The following HDAC9 variants were observed in gnomAD, a reference collection of about 807,000 sequenced individuals.
HDAC9 encodes the protein histone deacetylase 9.
In HDAC9, 41 loss-of-function variants were observed where a neutral mutation model predicts 139.4. The observed-to-expected ratio is 0.29, with a 90% CI of 0.23 to 0.38. The LOEUF (loss-of-function observed/expected upper bound fraction) is 0.38. HDAC9 is among the 10% of genes least tolerant of loss of function. The pLI is 1.00. For synonymous variants in HDAC9, 517 were observed against 476.2 expected, an observed-to-expected ratio of 1.09 and a Z score of -1.12; for missense variants, 1,147 against 1,297.0, an observed-to-expected ratio of 0.88 and a Z score of 1.78.
chr7:18,173,605 C>T (rs1788632386), intron 2 of HDAC9, among the ~76,000 whole-genome samples: 2 of 152,110 alleles, frequency 1.3e-5, no homozygotes, highest in African/African-American at 2.4e-5. Flanking sequence ...TTTTCCTTTC[C>T]GTGTTTAGTG....
chr7:18,591,708 C>G (rs1831042804), intron 5 of HDAC9, 66 bp downstream of exon 5: 1 of 1,575,896 alleles, frequency 6.3e-7, no homozygotes, highest in Non-Finnish European at 8.6e-7. Flanking sequence ...TTTAGCCGAC[C>G]TGGGTACACA....
chr7:18,523,050 C>G (rs546264036), intron 2 of HDAC9, among the ~76,000 whole-genome samples: 1 of 151,994 alleles, frequency 6.6e-6, no homozygotes, highest in Non-Finnish European at 1.5e-5. Flanking sequence ...GCCTGGGAAG[C>G]CTTTCAAAGG....
intron 1 of HDAC9, among the ~76,000 whole-genome samples, chr7:18,448,057 TCTCCAACTCCAA>T (rs998128206): frequency 2.0e-5 from 3 of 152,194 alleles, no homozygotes; most frequent in African/African-American, 4.8e-5. Flanking sequence ...GCCAGGCTGG[TCTCCAACTCCAA>T]CTCCAACTCC....
In HDAC9 at chr7:18,634,645, G is replaced by T; in HGVS notation, c.815G>T (p.Ser272Ile). 6.3e-7 allele frequency: 1 copy of T among 1,584,588 alleles called. No homozygotes were observed. Among genetic ancestry groups the T allele is most frequent in the Non-Finnish European group, 8.6e-7 (1 of 1,163,516 alleles). Residue 272 changes from serine to isoleucine, a missense_variant, in exon 8 of 26, where the codon AGT (serine) becomes ATT (isoleucine). Ser to Ile is a moderately radical substitution (Grantham distance 142). This residue lies in a region of HDAC9 where 264 missense variants were observed against 273.8 expected (regional missense o/e 0.96). Coordinates refer to ENST00000686413, the MANE Select transcript of HDAC9 (RefSeq NM_178425.4). The part of the protein sequence containing the change: ...FEVTESSVSS[S>I]SPGSGPSSPN... ...TTTTCAGAATCCTCAGTCAGTAGCA[G>T]TTCTCCAGGCTCTGGTCCCAGTTCA... is the stretch of plus-strand genomic sequence containing the variant.
chr7:18,830,534 C>T (rs943161482), intron 19 of HDAC9, among the ~76,000 whole-genome samples: 12 of 152,232 alleles, frequency 7.9e-5, no homozygotes, highest in Middle Eastern at 3.4e-3. Flanking sequence ...GTCACGGCCT[C>T]GCCCTCCAGC....
chr7:18,374,502 G>A (rs1308757896), intron 1 of HDAC9, among the ~76,000 whole-genome samples: 1 of 151,904 alleles, frequency 6.6e-6, no homozygotes, highest in Non-Finnish European at 1.5e-5. Context: ...TTACTGTATG[G>A]CATACTTCAG....
In HDAC9 at chr7:18,602,376, C is replaced by A. The variant is rs112837518; in HGVS notation, c.664+8347C>A. On this transcript the variant is annotated intron_variant, in intron 6 of 25. Transcript: ENST00000686413. ...TTTCCTGACAGCCTGACTGTAGTTT[C>A]ATCAGTTGATCTTTCAAAGGACCAG... Among the ~76,000 whole-genome samples, 16 of 151,858 alleles carry A rather than the reference C, an allele frequency of 1.1e-4. 1 individual carries two copies. The highest frequency in any genetic ancestry group is 3.9e-4 in the African/African-American group (16 of 41,482).
chr7:18,893,712 G>A (rs1800908232), intron 22 of HDAC9, among the ~76,000 whole-genome samples: 1 of 152,158 alleles, frequency 6.6e-6, no homozygotes, highest in African/African-American at 2.4e-5. Context: ...CAAACATAGA[G>A]TACATTAGGA....
At chr7:18,165,891 A>C (rs1004470620) in intron 2 of HDAC9, among the ~76,000 whole-genome samples, 4 of 151,994 alleles carry the variant, frequency 2.6e-5, no homozygotes, top group African/African-American at 7.3e-5. Context: ...CTTTGCGTCT[A>C]TCTAGGCCAT....
At chr7:18,611,340 CAAT>C (rs1473851843) in intron 6 of HDAC9, among the ~76,000 whole-genome samples, 2 of 151,860 alleles carry the variant, frequency 1.3e-5, no homozygotes, top group African/African-American at 4.8e-5. Flanking sequence ...TATATTTGTT[CAAT>C]AATAATTTTG....
intron 11 of HDAC9, among the ~76,000 whole-genome samples, chr7:18,657,965 G>T (rs543312567): frequency 1.2e-4 from 18 of 151,948 alleles, no homozygotes; most frequent in African/African-American, 4.1e-4. Flanking sequence ...TCTTATCTTT[G>T]AGGAATCTCC....
chr7:18,931,360 T>TA (rs1804726964), intron 22 of HDAC9, among the ~76,000 whole-genome samples: 5 of 152,152 alleles, frequency 3.3e-5, no homozygotes, highest in Admixed American at 3.3e-4. Context: ...AAAAGATTCT[T>TA]ATCGGCATCA....
At chr7:18,439,527 T>G (rs190190155) in intron 1 of HDAC9, among the ~76,000 whole-genome samples, 1 of 152,148 alleles carries the variant, frequency 6.6e-6, no homozygotes, top group African/African-American at 2.4e-5. Flanking sequence ...AATGCTAATA[T>G]GCCCACCATC....
chr7:18,847,298 T>A (rs1796973420), intron 21 of HDAC9, among the ~76,000 whole-genome samples: 1 of 152,344 alleles, frequency 6.6e-6, no homozygotes, highest in South Asian at 2.1e-4. Context: ...AATTTCCATT[T>A]TTTAAACAAG....
chr7:18,308,335 A>G (rs1370435862), intron 1 of HDAC9, among the ~76,000 whole-genome samples: 1 of 152,236 alleles, frequency 6.6e-6, no homozygotes, highest in Non-Finnish European at 1.5e-5. Context: ...TCATAGTTAT[A>G]TAAATTTGCT....
At chr7:18,485,223 G>C (rs1485360041) in intron 1 of HDAC9, among the ~76,000 whole-genome samples, 1 of 152,062 alleles carries the variant, frequency 6.6e-6, no homozygotes, top group Non-Finnish European at 1.5e-5. Flanking sequence ...TGTGAGTGTT[G>C]TTATCAAGCT....
intron 24 of HDAC9, among the ~76,000 whole-genome samples, chr7:18,964,362 AT>A (rs914401385): frequency 2.2e-4 from 33 of 151,736 alleles, no homozygotes; most frequent in South Asian, 1.0e-3. Flanking sequence ...TTAAGATCAG[AT>A]TTTTTTTTAA....
chr7:18,728,839 G>C (rs1785783853), intron 13 of HDAC9, among the ~76,000 whole-genome samples: 1 of 152,124 alleles, frequency 6.6e-6, no homozygotes. Flanking sequence ...CCTTTGGTAG[G>C]CATCTTTAAT....
chr7:18,996,142 T>C lies in HDAC9; in HGVS notation c.*80T>C. The C allele has an allele frequency of 9.8e-7, 1 of 1,020,922 alleles. No individual in the cohort carries two copies. Among genetic ancestry groups the C allele is most frequent in the South Asian group, 1.4e-5 (1 of 71,568 alleles). The allele number at this position is 1,020,922 out of a possible 1,614,324, so 63.2% of individuals were successfully genotyped here. A position where few individuals can be genotyped will look rare whatever the true frequency, so the allele number is the denominator to read the frequency against. On this transcript the variant is annotated 3_prime_UTR_variant, in exon 26 of 26. Coordinates refer to ENST00000686413, the MANE Select transcript of HDAC9 (RefSeq NM_178425.4). The stretch of plus-strand genomic sequence containing the variant: ...CACCCCAGTACCCTCAGACATGTCT[T>C]GTCTGCTGCCTGGGTGGCACAGATT...
Sources: allele counts gnomAD v4.1 joint callset (sites outside exome capture counted in the v4.1 genomes callset), GRCh38; gene constraint gnomAD v4.1.1; regional missense constraint gnomAD v4.1.1; transcripts MANE v1.5; gene names NCBI Gene and HGNC (gene_info 2026-07-23, HGNC 2026-07-21).